The following INPP4B variants were observed in gnomAD, a reference collection of about 807,000 sequenced individuals.
INPP4B encodes inositol polyphosphate-4-phosphatase type II B, also known as inositol polyphosphate 4-phosphatase type II.
A neutral mutation model predicts 122.5 loss-of-function variants in INPP4B; 55 were observed. That is an observed-to-expected ratio of 0.45 (90% confidence interval 0.36 to 0.56). The LOEUF is 0.56. Ranked by LOEUF, INPP4B falls within the 20% of genes least tolerant of loss-of-function variation. The pLI is 0.00. For missense variants in INPP4B, 1,000 were observed against 1,097.7 expected (o/e 0.91, Z 1.26); for synonymous variants, 403 against 388.7 (o/e 1.04, Z -0.43).
chr4:142,842,729 TA>T (rs1783680670), intron 1 of INPP4B, among the ~76,000 whole-genome samples: 1 of 131,840 alleles, frequency 7.6e-6, no homozygotes, highest in African/African-American at 2.8e-5. Context: ...TAATATATTA[TA>T]ATATTAATAT....
intron 8 of INPP4B, among the ~76,000 whole-genome samples, chr4:142,310,867 C>A (rs1200773535): frequency 6.6e-6 from 1 of 152,000 alleles, no homozygotes; most frequent in Admixed American, 6.6e-5. Flanking sequence ...AAGGTAAAGT[C>A]ATTTATTACA....
intron 14 of INPP4B, among the ~76,000 whole-genome samples, chr4:142,202,195 T>C (rs1840916300): frequency 6.6e-6 from 1 of 152,068 alleles, no homozygotes; most frequent in African/African-American, 2.4e-5. Context: ...ATTTGAGATT[T>C]AATAATAGGG....
intron 1 of INPP4B, among the ~76,000 whole-genome samples, chr4:142,754,426 C>T (rs1019795166): frequency 9.2e-5 from 14 of 151,952 alleles, no homozygotes; most frequent in African/African-American, 2.9e-4. Flanking sequence ...TATATACCTG[C>T]TTTTTCTTTC....
intron 12 of INPP4B, among the ~76,000 whole-genome samples, chr4:142,214,883 A>G (rs1343914463): frequency 6.6e-6 from 1 of 152,202 alleles, no homozygotes; most frequent in Non-Finnish European, 1.5e-5. Context: ...TGTATAGATG[A>G]AAAAAGACCT....
intron 9 of INPP4B, among the ~76,000 whole-genome samples, chr4:142,300,832 G>A (rs962208427): frequency 6.6e-6 from 1 of 152,052 alleles, no homozygotes; most frequent in African/African-American, 2.4e-5. Context: ...TGTAAATGTG[G>A]TAGAAGTAAT....
At chr4:142,607,989 C>T (rs1295638720) in intron 2 of INPP4B, among the ~76,000 whole-genome samples, 1 of 152,154 alleles carries the variant, frequency 6.6e-6, no homozygotes, top group Non-Finnish European at 1.5e-5. Context: ...TGCATCCAAC[C>T]TTGTTCTATG....
chr4:142,135,260 T>C (rs752104571), intron 18 of INPP4B, among the ~76,000 whole-genome samples: 1 of 152,174 alleles, frequency 6.6e-6, no homozygotes. Flanking sequence ...CATATTTTCT[T>C]ACAGAGCCAA....
At chr4:142,646,770 A>G (rs1348214437) in intron 2 of INPP4B, among the ~76,000 whole-genome samples, 3 of 152,228 alleles carry the variant, frequency 2.0e-5, no homozygotes, top group Non-Finnish European at 4.4e-5. Context: ...TGTAGAAAGT[A>G]ACCAATCTAG....
intron 7 of INPP4B, among the ~76,000 whole-genome samples, chr4:142,356,657 G>C (rs955235207): frequency 1.3e-5 from 2 of 151,964 alleles, no homozygotes; most frequent in African/African-American, 4.8e-5. Flanking sequence ...CTGAGTGATA[G>C]AAGTGTTAGG....
intron 5 of INPP4B, among the ~76,000 whole-genome samples, chr4:142,412,371 A>G (rs1394702051): frequency 1.3e-5 from 2 of 152,072 alleles, no homozygotes; most frequent in African/African-American, 4.8e-5. Flanking sequence ...CCCCTCAAGA[A>G]TTTTAAGACA....
chr4:142,215,007 C>T (rs1208104517), intron 12 of INPP4B, among the ~76,000 whole-genome samples: 2 of 152,076 alleles, frequency 1.3e-5, no homozygotes, highest in Non-Finnish European at 2.9e-5. Context: ...ACCTGTTATT[C>T]CACTGTAATT....
intron 2 of INPP4B, among the ~76,000 whole-genome samples, chr4:142,464,798 G>A (rs990210345): frequency 6.6e-6 from 1 of 152,066 alleles, no homozygotes; most frequent in African/African-American, 2.4e-5. Context: ...CTAAATTTTT[G>A]TGGTCCTTAA....
chr4:142,061,913 TA>T (rs1761050966), intron 25 of INPP4B, among the ~76,000 whole-genome samples: 1 of 6,964 alleles, frequency 1.4e-4, no homozygotes, highest in Non-Finnish European at 4.8e-4. Context: ...TATATATATA[TA>T]TATATATATA....
chr4:142,127,477 A>C (rs367902299), intron 18 of INPP4B, among the ~76,000 whole-genome samples: 13 of 151,544 alleles, frequency 8.6e-5, no homozygotes, highest in African/African-American at 1.9e-4. Context: ...AAAAAAAACA[A>C]CACCAAAACA....
intron 18 of INPP4B, among the ~76,000 whole-genome samples, chr4:142,144,222 TACACACACACACACACACAC>T (rs35496129): frequency 1.7e-4 from 24 of 144,938 alleles, no homozygotes; most frequent in African/African-American, 1.3e-4. Flanking sequence ...AAATACAAGA[TACACACACACACACACACAC>T]ACACACACAC....
chr4:142,153,299 T>C (rs1472468388), intron 17 of INPP4B, among the ~76,000 whole-genome samples: 3 of 152,210 alleles, frequency 2.0e-5, no homozygotes, highest in African/African-American at 7.2e-5. Flanking sequence ...TGAACCTTGA[T>C]AAATCAAGCC....
At chr4:142,058,049 A>T (rs2152424681) in intron 25 of INPP4B, among the ~76,000 whole-genome samples, 1 of 152,188 alleles carries the variant, frequency 6.6e-6, no homozygotes, top group South Asian at 2.1e-4. Flanking sequence ...GGCAAAGAAC[A>T]TATTTTATCT....
intron 15 of INPP4B, among the ~76,000 whole-genome samples, chr4:142,189,045 T>C (rs1450131330): frequency 1.3e-5 from 2 of 152,180 alleles, no homozygotes; most frequent in African/African-American, 4.8e-5. Context: ...TTCCCCTTTT[T>C]ATGCAAAAAG....
At chr4:142,622,455 G>A (rs993672971) in intron 2 of INPP4B, among the ~76,000 whole-genome samples, 6 of 151,906 alleles carry the variant, frequency 3.9e-5, no homozygotes, top group African/African-American at 1.4e-4. Context: ...GAATTGGGCA[G>A]ATAAAAGAGT....
Sources: allele counts gnomAD v4.1 joint callset (sites outside exome capture counted in the v4.1 genomes callset), GRCh38; gene constraint gnomAD v4.1.1; transcripts MANE v1.5; gene names NCBI Gene and HGNC (gene_info 2026-07-23, HGNC 2026-07-21).